Variants in ADGRL3 observed in about 807,000 individuals in gnomAD.
ADGRL3 encodes adhesion G protein-coupled receptor L3, also known as calcium-independent alpha-latrotoxin receptor 3.
A neutral mutation model predicts 153.5 loss-of-function variants in ADGRL3; 62 were observed. The observed-to-expected ratio is 0.40, with a 90% CI of 0.33 to 0.50. ADGRL3 has a LOEUF of 0.50. Ranked by LOEUF, ADGRL3 falls within the 20% of genes least tolerant of loss-of-function variation. The pLI is 0.47. For synonymous variants in ADGRL3, 710 were observed against 672.5 expected (o/e 1.06, Z -0.86); for missense variants, 1,641 against 1,859.4 (o/e 0.88, Z 2.16).
intron 17 of ADGRL3, among the ~76,000 whole-genome samples, chr4:61,956,094 T>A (rs1485651444): frequency 6.6e-6 from 1 of 152,206 alleles, no homozygotes; most frequent in Non-Finnish European, 1.5e-5. Context: ...TGGTTCTAGA[T>A]CCTTGAGGAA....
intron 2 of ADGRL3, among the ~76,000 whole-genome samples, chr4:61,482,169 A>G (rs558336816): frequency 1.3e-5 from 2 of 152,336 alleles, no homozygotes; most frequent in South Asian, 4.1e-4. Flanking sequence ...AATTATTCTA[A>G]CTCACACAAT....
intron 21 of ADGRL3, among the ~76,000 whole-genome samples, chr4:62,027,683 A>T (rs2151463066): frequency 6.6e-6 from 1 of 152,010 alleles, no homozygotes; most frequent in Admixed American, 6.6e-5. Context: ...GTGTGATTTT[A>T]CCCTAGCTTT....
chr4:61,369,473 A>T (rs987636571), intron 1 of ADGRL3, among the ~76,000 whole-genome samples: 7 of 152,242 alleles, frequency 4.6e-5, no homozygotes, highest in Admixed American at 3.9e-4. Flanking sequence ...CCTTTTCTGC[A>T]TCTATTGAGA....
intron 8 of ADGRL3, among the ~76,000 whole-genome samples, chr4:61,760,057 C>T (rs2096891148): frequency 6.6e-6 from 1 of 152,136 alleles, no homozygotes; most frequent in Admixed American, 6.5e-5. Context: ...AGTACCCAGC[C>T]GTGTGAGGTG....
At chr4:61,366,158 T>G (rs1299815236) in intron 1 of ADGRL3, among the ~76,000 whole-genome samples, 1 of 152,184 alleles carries the variant, frequency 6.6e-6, no homozygotes, top group Non-Finnish European at 1.5e-5. Context: ...GAAATAATGG[T>G]CATTACTTGC....
At chr4:61,823,995 G>A (rs1350050220) in intron 9 of ADGRL3, among the ~76,000 whole-genome samples, 1 of 152,160 alleles carries the variant, frequency 6.6e-6, no homozygotes, top group African/African-American at 2.4e-5. Flanking sequence ...CTGGGAGGCA[G>A]AGGTTGCAGT....
At chr4:61,456,423 CTATATCTATATATATAGATATAT>C (rs2097750153) in intron 2 of ADGRL3, among the ~76,000 whole-genome samples, 2 of 50,470 alleles carry the variant, frequency 4.0e-5, no homozygotes, top group Non-Finnish European at 9.0e-5. Context: ...ATAGATATAT[CTATATCTATATATATAGATATAT>C]CTATATCTAT....
intron 5 of ADGRL3, among the ~76,000 whole-genome samples, chr4:61,590,127 T>C (rs772829690): frequency 1.3e-5 from 2 of 152,084 alleles, no homozygotes; most frequent in Non-Finnish European, 2.9e-5. Flanking sequence ...TACTCAATTA[T>C]TATCACCTAC....
At position 61,497,446 on chromosome 4, in the gene ADGRL3, T is replaced by C. The variant is rs1432739771; in HGVS notation, c.55+98T>C. 2.0e-4 allele frequency: 133 copies of C among 661,420 alleles called. No homozygotes were observed. In the East Asian group the frequency reaches 4.0e-3, roughly 20 times the overall value. 41.0% of individuals were successfully genotyped at this position (661,420 alleles called of 1,614,324 possible). A position where few individuals can be genotyped will look rare whatever the true frequency, so the allele number is the denominator to read the frequency against. On this transcript the variant is annotated intron_variant, in intron 3 of 26. Coordinates refer to ENST00000683033, the MANE Select transcript of ADGRL3 (RefSeq NM_001387552.1). Reference sequence around the variant, plus strand: ...CTTTTCTCTGAGACTGCTTTGTAGTTTTTCCTTATCATATGTTAGTATGAG... The same window carrying C: ...CTTTTCTCTGAGACTGCTTTGTAGTCTTTCCTTATCATATGTTAGTATGAG...
chr4:61,296,984 A>G (rs530677140), intron 1 of ADGRL3, among the ~76,000 whole-genome samples: 1 of 152,200 alleles, frequency 6.6e-6, no homozygotes, highest in Non-Finnish European at 1.5e-5. Flanking sequence ...CAAAAGAGAA[A>G]GATCACTTTT....
At chr4:61,833,362 A>G (rs1206351742) in intron 9 of ADGRL3, among the ~76,000 whole-genome samples, 1 of 152,138 alleles carries the variant, frequency 6.6e-6, no homozygotes, top group Non-Finnish European at 1.5e-5. Context: ...GCAATAGAGA[A>G]AGAGTAATTC....
In ADGRL3 at chr4:62,071,806, A is replaced by G. The variant is rs1020142010; in HGVS notation, c.*898A>G. The G allele has an allele frequency of 7.6e-6, 3 of 396,582 alleles. No homozygotes were observed. Among genetic ancestry groups the G allele is most frequent in the Non-Finnish European group, 1.4e-5 (3 of 207,438 alleles). The allele number at this position is 396,582 out of a possible 1,614,324, so 24.6% of individuals were successfully genotyped here. ...TGGCAAAAAATAAATAAATGGAACT[A>G]TCACTTTATAAGAATCATTTTCTAG... On this transcript the variant is annotated 3_prime_UTR_variant, in exon 27 of 27. Coordinates refer to ENST00000683033, the MANE Select transcript of ADGRL3 (RefSeq NM_001387552.1).
intron 2 of ADGRL3, among the ~76,000 whole-genome samples, chr4:61,395,993 G>A (rs1302169525): frequency 6.6e-6 from 1 of 151,924 alleles, no homozygotes; most frequent in Non-Finnish European, 1.5e-5. Flanking sequence ...AAACTAACCA[G>A]GTTGTTTTGT....
At chr4:61,856,531 C>G (rs1376242406) in intron 9 of ADGRL3, among the ~76,000 whole-genome samples, 21 of 145,740 alleles carry the variant, frequency 1.4e-4, no homozygotes, top group Non-Finnish European at 3.0e-4. Context: ...ATTCCTCCCT[C>G]TTTTCCTCCC....
intron 2 of ADGRL3, among the ~76,000 whole-genome samples, chr4:61,490,554 A>G (rs1484636145): frequency 2.0e-5 from 3 of 152,116 alleles, no homozygotes; most frequent in Admixed American, 6.6e-5. Flanking sequence ...TTTGTCCTCT[A>G]TGAATTTCCA....
At chr4:61,469,504 G>C (rs558032611) in intron 2 of ADGRL3, among the ~76,000 whole-genome samples, 13 of 151,980 alleles carry the variant, frequency 8.6e-5, no homozygotes, top group Admixed American at 2.0e-4. Flanking sequence ...GTGTGGGTAG[G>C]TGTGTTTTTG....
chr4:61,234,297 A>C (rs1751942149), intron 1 of ADGRL3, among the ~76,000 whole-genome samples: 1 of 152,156 alleles, frequency 6.6e-6, no homozygotes, highest in Non-Finnish European at 1.5e-5. Flanking sequence ...TAAAATGAGA[A>C]ATAAGCAAAA....
At chr4:61,544,797 G>A (rs1214754469) in intron 4 of ADGRL3, among the ~76,000 whole-genome samples, 2 of 152,056 alleles carry the variant, frequency 1.3e-5, no homozygotes, top group African/African-American at 2.4e-5. Flanking sequence ...GATGTTTGTT[G>A]TTTAGAACAA....
chr4:61,397,928 A>G (rs2096887354), intron 2 of ADGRL3, among the ~76,000 whole-genome samples: 1 of 151,928 alleles, frequency 6.6e-6, no homozygotes, highest in South Asian at 2.1e-4. Flanking sequence ...AGAGCTATCC[A>G]TGCTGTAATT....
Sources: gnomAD v4.1 joint callset for allele counts (sites outside exome capture counted in the v4.1 genomes callset) on GRCh38, gnomAD v4.1.1 for gene constraint, MANE v1.5 for transcripts, NCBI Gene and HGNC (gene_info 2026-07-23, HGNC 2026-07-21) for gene names.